Variants in FLRT2 observed in about 807,000 individuals in gnomAD.
The protein encoded by FLRT2 is leucine-rich repeat transmembrane protein FLRT2.
Under a neutral mutation model 40.0 loss-of-function variants are expected in FLRT2, and 15 were observed. The ratio of observed to expected loss-of-function variants is 0.38; its 90% CI spans 0.25 to 0.58. FLRT2 has a LOEUF of 0.58. FLRT2 is among the 20% of genes least tolerant of loss of function. The probability of loss-of-function intolerance (pLI) is 0.71; values close to 1 mark genes in which losing one functional copy is unlikely to be tolerated. For missense variants in FLRT2, 726 were observed against 840.0 expected, an observed-to-expected ratio of 0.86 and a Z score of 1.68; for synonymous variants, 380 against 336.8, an observed-to-expected ratio of 1.13 and a Z score of -1.41.
At chr14:85,559,838 A>C (rs1890196978) in intron 1 of FLRT2, among the ~76,000 whole-genome samples, 1 of 152,240 alleles carries the variant, frequency 6.6e-6, no homozygotes, top group East Asian at 1.9e-4. Context: ...GATCTCTGAT[A>C]TCCGGATCTC....
At chr14:85,578,646 G>T (rs1175708124) in intron 1 of FLRT2, among the ~76,000 whole-genome samples, 1 of 152,122 alleles carries the variant, frequency 6.6e-6, no homozygotes. Context: ...GGAGATACGG[G>T]TTGAGTGATA....
At chr14:85,565,896 G>T (rs1378543031) in intron 1 of FLRT2, among the ~76,000 whole-genome samples, 2 of 152,168 alleles carry the variant, frequency 1.3e-5, no homozygotes, top group South Asian at 2.1e-4. Context: ...ACATTGCTTT[G>T]TTAGTCCTCC....
intron 1 of FLRT2, among the ~76,000 whole-genome samples, chr14:85,555,424 G>T (rs1889886552): frequency 6.6e-6 from 1 of 152,142 alleles, no homozygotes; most frequent in Admixed American, 6.5e-5. Flanking sequence ...AAGGCGAAAA[G>T]CACATCCTAC....
chr14:85,614,018 C>T (rs1422366260), intron 1 of FLRT2, among the ~76,000 whole-genome samples: 2 of 152,292 alleles, frequency 1.3e-5, no homozygotes, highest in East Asian at 1.9e-4. Context: ...TTGTTTAAAG[C>T]TAATCTTAGG....
intron 1 of FLRT2, among the ~76,000 whole-genome samples, chr14:85,592,385 G>A (rs1329230608): frequency 1.3e-5 from 2 of 151,980 alleles, no homozygotes; most frequent in Admixed American, 1.3e-4. Context: ...TTTTTTATCA[G>A]GTAGATAGAA....
At position 85,628,872 on chromosome 14, in the gene FLRT2, AT is replaced by A. The variant is rs945449152; in HGVS notation, c.*5377del. On this transcript the variant is annotated 3_prime_UTR_variant, in exon 2 of 2. Coordinates refer to ENST00000330753, the MANE Select transcript of FLRT2 (RefSeq NM_013231.6). ...ACTAAACCATTAGTCAAAAAATACC[AT>A]TCATTCAAAATAATTCATTAATGTC... is the stretch of plus-strand genomic sequence containing the variant. The A allele has an allele frequency of 1.3e-5, 2 of 152,208 alleles. No individual in the cohort carries two copies. Among genetic ancestry groups the A allele is most frequent in the Admixed American group, 6.5e-5 (1 of 15,282 alleles). 9.4% of individuals were successfully genotyped at this position (152,208 alleles called of 1,614,324 possible). A position where few individuals can be genotyped will look rare whatever the true frequency, so the allele number is the denominator to read the frequency against.
rs532965347 is a variant in FLRT2, at chr14:85,629,437, T to C, written c.*5940T>C. Reference sequence around the variant, plus strand: ...TATTAAGCACCACGATGGAACTCAATCTAAAGGAATAATGGCACCTGATAA... The same window carrying C: ...TATTAAGCACCACGATGGAACTCAACCTAAAGGAATAATGGCACCTGATAA... On this transcript the variant is annotated 3_prime_UTR_variant, in exon 2 of 2. Coordinates refer to ENST00000330753, the MANE Select transcript of FLRT2 (RefSeq NM_013231.6). The C allele has an allele frequency of 6.6e-6, 1 of 152,360 alleles. No homozygotes were observed. Among genetic ancestry groups the C allele is most frequent in the Admixed American group, 6.5e-5 (1 of 15,302 alleles). The allele number at this position is 152,360 out of a possible 1,614,324, so 9.4% of individuals were successfully genotyped here.
intron 1 of FLRT2, among the ~76,000 whole-genome samples, chr14:85,610,641 TTGTGCC>T (rs1595083224): frequency 6.6e-6 from 1 of 152,304 alleles, no homozygotes; most frequent in East Asian, 1.9e-4. Context: ...CCTTGTATCC[TTGTGCC>T]TGCTCTTGCC....
At position 85,654,354 on chromosome 14, in the gene FLRT2, G is replaced by T. The variant is rs552832132; in HGVS notation, c.*30857G>T. Reference sequence around the variant, plus strand: ...AAGTTACCCATATTCTTATCAGCCAGATCTAACTAATTTTACCATTTTCAT... The same window carrying T: ...AAGTTACCCATATTCTTATCAGCCATATCTAACTAATTTTACCATTTTCAT... On this transcript the variant is annotated 3_prime_UTR_variant, in exon 2 of 2. Transcript: ENST00000330753. The T allele has an allele frequency of 6.6e-6, 1 of 152,198 alleles. No homozygotes were observed. The highest frequency in any genetic ancestry group is 2.1e-4 in the South Asian group (1 of 4,822). The allele number at this position is 152,198 out of a possible 1,614,324, so 9.4% of individuals were successfully genotyped here.
intron 1 of FLRT2, among the ~76,000 whole-genome samples, chr14:85,532,715 G>C (rs923484558): frequency 6.6e-5 from 10 of 152,180 alleles, no homozygotes; most frequent in Admixed American, 6.5e-4. Flanking sequence ...GGTGGTCCAG[G>C]ATGAGGGAAC....
Position 85,622,150 on chromosome 14 carries a change from C to T in FLRT2, c.636C>T (p.Asp212=), listed in dbSNP as rs751577399. 6.2e-6 allele frequency: 10 copies of T among 1,613,988 alleles called. No homozygotes were observed. The highest frequency in any genetic ancestry group is 1.7e-5 in the Admixed American group (1 of 59,996). ...NLTSLERLIV[D]GNLLTNKGIA... is the part of the protein sequence containing the mutation. ...CGAGCTTGGAGCGTCTTATTGTGGA[C>T]GGGAACCTCCTGACCAACAAGGGTA... The change falls in exon 2 of 2, where the codon GAC becomes GAT. Residue 212 remains aspartate, a synonymous_variant. Transcript: ENST00000330753.
chr14:85,530,964 G>A (rs537882427), intron 1 of FLRT2, among the ~76,000 whole-genome samples: 2 of 152,200 alleles, frequency 1.3e-5, no homozygotes, highest in Admixed American at 6.5e-5. Flanking sequence ...TTATTATCAG[G>A]CTGTTGTATC....
chr14:85,590,017 G>A (rs998250042), intron 1 of FLRT2, among the ~76,000 whole-genome samples: 48 of 151,162 alleles, frequency 3.2e-4, no homozygotes, highest in African/African-American at 1.0e-3. Flanking sequence ...AGTATAATTT[G>A]AGGGTAATGT....
At chr14:85,618,793 G>A (rs7143687) in intron 1 of FLRT2, among the ~76,000 whole-genome samples, 4,813 of 152,156 alleles carry the variant, frequency 0.032, 87 homozygotes, top group South Asian at 0.08. Context: ...CCAGGCTCTC[G>A]CTAACATTCT....
chr14:85,641,937 C>A lies in FLRT2; in HGVS notation c.*18440C>A, dbSNP rs1894158752. 1 of 151,896 alleles carries A rather than the reference C, an allele frequency of 6.6e-6. No individual in the cohort carries two copies. The highest frequency in any genetic ancestry group is 2.4e-5 in the African/African-American group (1 of 41,386). 9.4% of individuals were successfully genotyped at this position (151,896 alleles called of 1,614,324 possible). ...CCTATTAAAGCCAAGGCTTTGGTGA[C>A]CAATGTGATTGCTTCAGAATTTTAT... On this transcript the variant is annotated 3_prime_UTR_variant, in exon 2 of 2. Coordinates refer to ENST00000330753, the MANE Select transcript of FLRT2 (RefSeq NM_013231.6).
At chr14:85,540,250 G>T (rs1440217795) in intron 1 of FLRT2, among the ~76,000 whole-genome samples, 1 of 152,070 alleles carries the variant, frequency 6.6e-6, no homozygotes, top group Non-Finnish European at 1.5e-5. Flanking sequence ...TTGTAGTTTG[G>T]CAAACCTCCT....
chr14:85,560,360 C>T (rs966170411), intron 1 of FLRT2, among the ~76,000 whole-genome samples: 16 of 151,960 alleles, frequency 1.1e-4, no homozygotes, highest in South Asian at 1.0e-3. Context: ...GGGCGGATCA[C>T]GAGGTCAAGT....
rs918541557 is a variant in FLRT2, at chr14:85,629,813, A to G, written c.*6316A>G. 6 of 152,190 alleles carry G rather than the reference A, an allele frequency of 3.9e-5. No individual in the cohort carries two copies. Among genetic ancestry groups the G allele is most frequent in the African/African-American group, 1.4e-4 (6 of 41,446 alleles). 9.4% of individuals were successfully genotyped at this position (152,190 alleles called of 1,614,324 possible). On this transcript the variant is annotated 3_prime_UTR_variant, in exon 2 of 2. Transcript: ENST00000330753. ...TGGCAAATAAAGGGAACATTTTAGAAGCCTCAAAATTCTTGTCTTTTAAAG... is the reference window on the plus strand; with the variant it reads ...TGGCAAATAAAGGGAACATTTTAGAGGCCTCAAAATTCTTGTCTTTTAAAG...
chr14:85,572,761 A>C (rs1244982730), intron 1 of FLRT2, among the ~76,000 whole-genome samples: 1 of 152,164 alleles, frequency 6.6e-6, no homozygotes, highest in Admixed American at 6.5e-5. Context: ...CTTGTGGAAG[A>C]TAGTTCAAAC....
Sources: gnomAD v4.1 joint callset for allele counts (sites outside exome capture counted in the v4.1 genomes callset) on GRCh38, gnomAD v4.1.1 for gene constraint, MANE v1.5 for transcripts, NCBI Gene and HGNC (gene_info 2026-07-23, HGNC 2026-07-21) for gene names.